Variants in HDAC9 observed in about 807,000 individuals in gnomAD.
The protein encoded by HDAC9 is MEF-2 interacting transcription repressor (MITR) protein.
In HDAC9, 41 loss-of-function variants were observed where a neutral mutation model predicts 139.4. That is an observed-to-expected ratio of 0.29 (90% CI 0.23 to 0.38). HDAC9 has a LOEUF of 0.38. Ranked by LOEUF, HDAC9 falls within the 10% of genes least tolerant of loss-of-function variation. HDAC9 has a pLI of 1.00. For synonymous variants in HDAC9, 517 were observed against 476.2 expected (o/e 1.09, Z -1.12); for missense variants, 1,147 against 1,297.0 (o/e 0.88, Z 1.78).
chr7:18,983,471 G>T (rs1486931048), intron 25 of HDAC9, among the ~76,000 whole-genome samples: 1 of 152,054 alleles, frequency 6.6e-6, no homozygotes, highest in East Asian at 1.9e-4. Context: ...TATATACCCA[G>T]AAGTGATATT....
intron 2 of HDAC9, among the ~76,000 whole-genome samples, chr7:18,538,307 C>T (rs1393372808): frequency 6.6e-6 from 1 of 152,168 alleles, no homozygotes; most frequent in Non-Finnish European, 1.5e-5. Flanking sequence ...AGCTCAGCCA[C>T]AGCCTTGTGA....
chr7:18,803,287 C>T (rs1220611456), intron 17 of HDAC9, among the ~76,000 whole-genome samples: 1 of 152,068 alleles, frequency 6.6e-6, no homozygotes, highest in Admixed American at 6.5e-5. Flanking sequence ...TCCTAACTTA[C>T]ATGCTTAGGA....
chr7:18,180,793 C>T (rs1238151082), intron 2 of HDAC9, among the ~76,000 whole-genome samples: 1 of 152,156 alleles, frequency 6.6e-6, no homozygotes, highest in Non-Finnish European at 1.5e-5. Flanking sequence ...CTCACAGTTC[C>T]AGAAGCCAGA....
intron 21 of HDAC9, among the ~76,000 whole-genome samples, chr7:18,842,893 C>A (rs907538845): frequency 6.6e-6 from 1 of 152,030 alleles, no homozygotes; most frequent in African/African-American, 2.4e-5. Flanking sequence ...CAGTATAGAG[C>A]TCAGGTAAAA....
intron 12 of HDAC9, among the ~76,000 whole-genome samples, chr7:18,683,468 T>C (rs981246838): frequency 6.6e-6 from 1 of 152,056 alleles, no homozygotes; most frequent in African/African-American, 2.4e-5. Flanking sequence ...AACCCACAGT[T>C]CAGCAAAGGG....
intron 11 of HDAC9, among the ~76,000 whole-genome samples, chr7:18,655,174 T>C (rs1790704124): frequency 6.6e-6 from 1 of 152,162 alleles, no homozygotes; most frequent in Non-Finnish European, 1.5e-5. Flanking sequence ...TGGGCTTTCA[T>C]TTAGGAAAGT....
At chr7:18,108,193 A>G (rs540127649) in intron 1 of HDAC9, among the ~76,000 whole-genome samples, 239 of 152,288 alleles carry the variant, frequency 1.6e-3, no homozygotes, top group Non-Finnish European at 2.7e-3. Context: ...AGAGTTTCCA[A>G]CTGCAGTGCA....
At chr7:18,461,787 A>G (rs561763993) in intron 1 of HDAC9, among the ~76,000 whole-genome samples, 67 of 152,302 alleles carry the variant, frequency 4.4e-4, no homozygotes, top group Middle Eastern at 3.4e-3. Flanking sequence ...TTTAGATGAA[A>G]TATTTGATTA....
intron 1 of HDAC9, among the ~76,000 whole-genome samples, chr7:18,417,845 A>G (rs1333040485): frequency 1.3e-5 from 2 of 152,142 alleles, no homozygotes; most frequent in Admixed American, 6.5e-5. Flanking sequence ...TCTGCTGAAT[A>G]GTTAATAGAG....
chr7:18,352,024 A>G (rs889916572), intron 1 of HDAC9, among the ~76,000 whole-genome samples: 4 of 152,202 alleles, frequency 2.6e-5, no homozygotes, highest in African/African-American at 9.6e-5. Context: ...GAAGAAAAAA[A>G]TTCAAAATGA....
intron 1 of HDAC9, among the ~76,000 whole-genome samples, chr7:18,099,917 A>G (rs567267151): frequency 4.7e-4 from 71 of 152,308 alleles, no homozygotes; most frequent in Admixed American, 4.6e-3. Context: ...AGTAGTTACC[A>G]TTTCAGTGCT....
At chr7:18,769,653 C>T (rs1311732766) in intron 16 of HDAC9, among the ~76,000 whole-genome samples, 1 of 152,060 alleles carries the variant, frequency 6.6e-6, no homozygotes, top group Non-Finnish European at 1.5e-5. Context: ...TTTTCTCAGC[C>T]TTTCAAAAGT....
rs115759201 is a variant in HDAC9 at position 18,685,748 on chromosome 7, C to T, written c.1731+19272C>T. Among the ~76,000 whole-genome samples, 1,321 of 151,904 alleles carry T rather than the reference C, an allele frequency of 8.7e-3. 21 individuals are homozygous for T. Among genetic ancestry groups the T allele is most frequent in the African/African-American group, 0.03 (1,246 of 41,464 alleles). On this transcript the variant is annotated intron_variant, in intron 12 of 25. Transcript: ENST00000686413. ...GGTGAGATGGAAGAAACATTCTATG[C>T]GACAGAGTTTTTGATATTCCTCAGG...
chr7:18,945,408 G>A (rs1319385546), intron 23 of HDAC9, among the ~76,000 whole-genome samples: 1 of 152,110 alleles, frequency 6.6e-6, no homozygotes, highest in Non-Finnish European at 1.5e-5. Flanking sequence ...ATAGGTTCTA[G>A]TGTTAGTTTC....
intron 25 of HDAC9, 69 bp downstream of exon 25, chr7:18,976,022 C>A (rs1784526855): frequency 2.0e-6 from 3 of 1,506,170 alleles, no homozygotes; most frequent in Admixed American, 3.8e-5. Flanking sequence ...ATTTGTGAAT[C>A]TTCCTCCTGG....
rs530874282 is a variant in HDAC9, at chr7:18,310,272, T to C, written c.-42+19757T>C. Among the ~76,000 whole-genome samples, 12 of 152,338 alleles carry C rather than the reference T, an allele frequency of 7.9e-5. No homozygotes were observed. In the South Asian group the frequency reaches 2.1e-3, roughly 26 times the overall value. On this transcript the variant is annotated intron_variant, in intron 1 of 3. Coordinates refer to the HDAC9 transcript ENST00000413509. ...GTTTTACGTATCACAGAGTTTTATG[T>C]TGGGCTCTGTGACTACACGGTTTTG...
chr7:18,842,816 G>A (rs1796671612), intron 21 of HDAC9, among the ~76,000 whole-genome samples: 1 of 151,992 alleles, frequency 6.6e-6, no homozygotes, highest in South Asian at 2.1e-4. Flanking sequence ...ATGCACACCT[G>A]TCTTCCTAGG....
At chr7:18,945,275 A>C (rs892254395) in intron 23 of HDAC9, among the ~76,000 whole-genome samples, 3 of 152,250 alleles carry the variant, frequency 2.0e-5, no homozygotes, top group African/African-American at 7.2e-5. Context: ...CCCAGACGCT[A>C]ATGCGGTAAA....
rs527493243 is a variant in HDAC9, at chr7:18,729,274, A to AT, written c.1909+1520dup. Among the ~76,000 whole-genome samples, 11 of 151,868 alleles carry AT rather than the reference A, an allele frequency of 7.2e-5. No homozygotes were observed. The East Asian group carries it at 2.1e-3, about 29-fold the overall frequency. On this transcript the variant is annotated intron_variant, in intron 13 of 25. Transcript: ENST00000686413. ...ATAACTGTTTCCATTGACTGAAATA[A>AT]TTTCCTTAATATTATAATAATATTA...
Sources: allele counts gnomAD v4.1 joint callset (sites outside exome capture counted in the v4.1 genomes callset), GRCh38; gene constraint gnomAD v4.1.1; transcripts MANE v1.5; gene names NCBI Gene and HGNC (gene_info 2026-07-23, HGNC 2026-07-21).